The following MORN4 variants were observed in gnomAD, a reference collection of about 807,000 sequenced individuals.
MORN4 encodes MORN repeat-containing protein 4.
Under a neutral mutation model 16.4 loss-of-function variants are expected in MORN4, and 8 were observed. The ratio of observed to expected loss-of-function variants is 0.49; its 90% CI spans 0.29 to 0.88. The LOEUF is 0.88. Among genes scored for constraint, MORN4 ranks in the 40% least tolerant of loss-of-function variants. The pLI is 0.09. For synonymous variants in MORN4, 53 were observed against 68.9 expected (o/e 0.77, Z 1.14); for missense variants, 159 against 182.9 (o/e 0.87, Z 0.75).
chr10:97,617,597 G>C (rs61863286), intron 2 of MORN4, among the ~76,000 whole-genome samples: 3,604 of 152,318 alleles, frequency 0.024, 68 homozygotes, highest in Non-Finnish European at 0.037. Flanking sequence ...AGGCGCGGTA[G>C]CTTACACCTG....
At position 97,616,335 on chromosome 10, in the gene MORN4, T is replaced by C. The variant is rs3814555; in HGVS notation, c.369A>G (p.Arg123=). Residue 123 remains arginine, a synonymous_variant, in exon 5 of 5, where the codon CGA becomes CGG. Transcript: ENST00000307450. ...GAACAATGGCAGAACACTTCTCACG[T>C]CGCAGCAGCTTGTTGTTCTCAAAGA... is the stretch of plus-strand genomic sequence containing the variant. The part of the protein sequence containing the change: ...EGLFENNKLL[R]REKCSAIVQR... 0.24 allele frequency: 378,986 copies of C among 1,612,450 alleles called. 47,289 individuals are homozygous for C. The highest frequency in any genetic ancestry group is 0.45 in the African/African-American group (33,496 of 74,864).
In MORN4 at chr10:97,616,396, G is replaced by C. The variant is rs2041236872; in HGVS notation, c.308C>G (p.Pro103Arg). 4 of 1,604,008 alleles carry C rather than the reference G, an allele frequency of 2.5e-6. No individual in the cohort carries two copies. The highest frequency in any genetic ancestry group is 2.2e-5 in the East Asian group (1 of 44,750). ...GCGGGGGATTCCATGAGAACCATCAGGGAAAGTCAGCAGGCCTTTGAGGAG... is the reference window on the plus strand; with the variant it reads ...GCGGGGGATTCCATGAGAACCATCACGGAAAGTCAGCAGGCCTTTGAGGAG... ...RVDGFGLLTF[P>R]DGSHGIPRNE... is the part of the protein sequence containing the mutation. The change falls in exon 5 of 5, where the codon CCT (proline) becomes CGT (arginine). Residue 103 changes from proline to arginine, a missense_variant. Coordinates refer to ENST00000307450, the MANE Select transcript of MORN4 (RefSeq NM_178832.4).
chr10:97,622,858 C>CATTT (rs138978764), intron 1 of MORN4, among the ~76,000 whole-genome samples: 35,243 of 138,292 alleles, frequency 0.25, 4,796 homozygotes, highest in East Asian at 0.34. Context: ...CTTCATCTTT[C>CATTT]ATTTATTTAT....
intron 1 of MORN4, among the ~76,000 whole-genome samples, chr10:97,629,251 G>T (rs1353525237): frequency 2.6e-5 from 4 of 152,178 alleles, no homozygotes; most frequent in South Asian, 4.1e-4. Context: ...GCTGGGTGTG[G>T]TGGCCCATGC....
rs567979917 is a variant in MORN4, at chr10:97,617,944, G to A, written c.68-622C>T. Among the ~76,000 whole-genome samples, 139 of 152,266 alleles carry A rather than the reference G, an allele frequency of 9.1e-4. 4 individuals carry two copies. In the South Asian group the frequency reaches 0.028, roughly 31 times the overall value. Reference sequence around the variant, plus strand: ...CCCAGCACTTTGGGAGGCCGAGGAGGCGGGCAGATCACCTGAGGTCAAGAG... The same window carrying A: ...CCCAGCACTTTGGGAGGCCGAGGAGACGGGCAGATCACCTGAGGTCAAGAG... On this transcript the variant is annotated intron_variant, in intron 2 of 4. Transcript: ENST00000307450.
chr10:97,625,637 A>G (rs2041339407), intron 1 of MORN4, among the ~76,000 whole-genome samples: 1 of 152,240 alleles, frequency 6.6e-6, no homozygotes, highest in Non-Finnish European at 1.5e-5. Context: ...CAACACTTTG[A>G]AAAAGAAAAT....
chr10:97,617,058 A>C (rs2041242129), intron 3 of MORN4, 150 bp downstream of exon 3: 1 of 688,064 alleles, frequency 1.5e-6, no homozygotes, highest in Non-Finnish European at 2.5e-6. Flanking sequence ...GTCCACTTAA[A>C]AAATAGCTAA....
intron 2 of MORN4, chr10:97,619,334 A>G (rs192578569): frequency 1.8e-6 from 1 of 569,120 alleles, no homozygotes; most frequent in Non-Finnish European, 3.1e-6. Flanking sequence ...ATCTCAAAAA[A>G]CAAAACAAAA....
In MORN4 at chr10:97,621,217, A is replaced by G. The variant is rs1035697519; in HGVS notation, c.-30-1534T>C. 3.9e-5 allele frequency among the ~76,000 whole-genome samples: 6 copies of G among 152,298 alleles called. No individual in the cohort carries two copies. In the South Asian group the frequency reaches 1.2e-3, roughly 32 times the overall value. ...TTTTATAGGAGAAATAGAAGCCCAG[A>G]GAGGTAATAAAGTTTGTTGACAGCC... On this transcript the variant is annotated intron_variant, in intron 1 of 4. Transcript: ENST00000307450.
At chr10:97,628,275 G>C (rs1238010807) in intron 1 of MORN4, among the ~76,000 whole-genome samples, 1 of 152,208 alleles carries the variant, frequency 6.6e-6, no homozygotes, top group South Asian at 2.1e-4. Context: ...TAACCAACTT[G>C]TTTTCACTCA....
chr10:97,632,212 C>CCTT (rs1368828580), intron 1 of MORN4, among the ~76,000 whole-genome samples: 3 of 86,974 alleles, frequency 3.4e-5, no homozygotes, highest in Admixed American at 1.5e-4. Flanking sequence ...TAATACTCCC[C>CCTT]TTTTTTTTTT....
upstream of MORN4, chr10:97,633,580 C>T: frequency 7.8e-7 from 1 of 1,289,832 alleles, no homozygotes; most frequent in South Asian, 1.2e-5. This position sits in a 1 kb window ranked among gnomAD's most constrained non-coding sequence, Gnocchi z 4.5. Flanking sequence ...AGCCCGGCTC[C>T]ACGCCATCTT....
At chr10:97,620,512 AAAAAAAG>A (rs2041280706) in intron 1 of MORN4, among the ~76,000 whole-genome samples, 2 of 133,414 alleles carry the variant, frequency 1.5e-5, no homozygotes, top group African/African-American at 7.0e-5. Context: ...AAAAAAGAAA[AAAAAAAG>A]AAAATATGGG....
intron 2 of MORN4, among the ~76,000 whole-genome samples, chr10:97,618,153 G>A (rs528918384): frequency 2.0e-5 from 3 of 151,808 alleles, no homozygotes; most frequent in South Asian, 2.1e-4. Context: ...ACTCCAGCTC[G>A]GGCAACAAGA....
Position 97,616,412 on chromosome 10 carries a change from C to CAAAACCA in MORN4, c.293-2_293-1insTGGTTTT. On this transcript the variant is annotated splice_acceptor_variant, in intron 4 of 4. Coordinates refer to ENST00000307450, the MANE Select transcript of MORN4 (RefSeq NM_178832.4). LOFTEE classifies it high-confidence loss of function. ...GAACCATCAGGGAAAGTCAGCAGGC[C>CAAAACCA]TTTGAGGAGGGCAGAGAAAATATGG... 6.3e-7 allele frequency: 1 copy of CAAAACCA among 1,595,340 alleles called. No individual in the cohort carries two copies. Among genetic ancestry groups the CAAAACCA allele is most frequent in the Non-Finnish European group, 8.5e-7 (1 of 1,170,834 alleles).
chr10:97,616,379 T>C lies in MORN4; in HGVS notation c.325A>G (p.Ile109Val), dbSNP rs767444972. Residue 109 changes from isoleucine to valine, a missense_variant, in exon 5 of 5, where the codon ATC becomes GTC. Transcript: ENST00000307450. ...LLTFPDGSHG[I>V]PRNEGLFENN... ...TCAAAGAGACCTTCATTGCGGGGGA[T>C]TCCATGAGAACCATCAGGGAAAGTC... 1 of 1,610,892 alleles carries C rather than the reference T, an allele frequency of 6.2e-7. No homozygotes were observed. Among genetic ancestry groups the C allele is most frequent in the Non-Finnish European group, 8.5e-7 (1 of 1,178,594 alleles).
chr10:97,616,055 A>G lies in MORN4; in HGVS notation c.*208T>C. ...ATAAGGGTTAGGGAAAGACAGAACC[A>G]CCAATGACTGCTGCAGGGTCTGCTG... On this transcript the variant is annotated 3_prime_UTR_variant, in exon 5 of 5. Coordinates refer to ENST00000307450, the MANE Select transcript of MORN4 (RefSeq NM_178832.4). 2.3e-6 allele frequency: 1 copy of G among 444,034 alleles called. No individual in the cohort carries two copies. The highest frequency in any genetic ancestry group is 3.9e-6 in the Non-Finnish European group (1 of 255,012). The allele number at this position is 444,034 out of a possible 1,614,324, so 27.5% of individuals were successfully genotyped here.
intron 1 of MORN4, among the ~76,000 whole-genome samples, chr10:97,631,969 C>T (rs948651254): frequency 2.0e-5 from 3 of 151,912 alleles, no homozygotes; most frequent in Non-Finnish European, 4.4e-5. Context: ...CAAAACAAAA[C>T]AAAAGGTTGG....
chr10:97,630,359 G>T (rs931187480), intron 1 of MORN4, among the ~76,000 whole-genome samples: 1 of 152,134 alleles, frequency 6.6e-6, no homozygotes, highest in Non-Finnish European at 1.5e-5. Flanking sequence ...GAGCCACCGC[G>T]CCTGGCCACA....
Sources: allele counts gnomAD v4.1 joint callset (sites outside exome capture counted in the v4.1 genomes callset), GRCh38; gene constraint gnomAD v4.1.1; non-coding constraint Gnocchi (gnomAD v3.1); transcripts MANE v1.5; gene names NCBI Gene and HGNC (gene_info 2026-07-23, HGNC 2026-07-21).